INPP4A: variants seen among roughly 807,000 people sequenced by gnomAD.
INPP4A encodes the protein inositol polyphosphate-4-phosphatase type I A.
In INPP4A, 33 loss-of-function variants were observed where a neutral mutation model predicts 119.8. The ratio of observed to expected loss-of-function variants is 0.28; its 90% CI spans 0.21 to 0.37. The LOEUF (loss-of-function observed/expected upper bound fraction) is 0.37. INPP4A is among the 10% of genes least tolerant of loss of function. INPP4A has a pLI of 1.00. For synonymous variants in INPP4A, 496 were observed against 500.7 expected, an observed-to-expected ratio of 0.99 and a Z score of 0.12; for missense variants, 956 against 1,289.9, an observed-to-expected ratio of 0.74 and a Z score of 3.97.
intron 23 of INPP4A, among the ~76,000 whole-genome samples, chr2:98,574,589 A>G (rs944789434): frequency 1.3e-5 from 2 of 151,634 alleles, no homozygotes; most frequent in South Asian, 4.2e-4. Context: ...AGTAAGCCGA[A>G]ATCACACTAC....
chr2:98,533,036 A>G (rs879416362), intron 4 of INPP4A, among the ~76,000 whole-genome samples: 6 of 152,130 alleles, frequency 3.9e-5, no homozygotes, highest in African/African-American at 7.2e-5. Flanking sequence ...CCTTCACTCA[A>G]TTGGTTAGAG....
intron 5 of INPP4A, among the ~76,000 whole-genome samples, chr2:98,534,163 A>G (rs1269316853): frequency 6.6e-6 from 1 of 152,238 alleles, no homozygotes; most frequent in Non-Finnish European, 1.5e-5. Context: ...TCTCTTAGAA[A>G]CTTATTTCCA....
At chr2:98,509,828 G>A (rs1340377714) in intron 1 of INPP4A, among the ~76,000 whole-genome samples, 2 of 152,178 alleles carry the variant, frequency 1.3e-5, no homozygotes, top group East Asian at 3.8e-4. Flanking sequence ...TCCCCTGAAC[G>A]TTCATGGTAT....
chr2:98,508,999 GTGCCGC>G (rs949487363), intron 1 of INPP4A, among the ~76,000 whole-genome samples: 48 of 152,300 alleles, frequency 3.2e-4, no homozygotes, highest in African/African-American at 1.1e-3. Context: ...GAACCCAGGG[GTGCCGC>G]TGCCTGGAAA....
intron 4 of INPP4A, among the ~76,000 whole-genome samples, chr2:98,528,729 T>A (rs948915755): frequency 1.3e-5 from 2 of 151,818 alleles, no homozygotes; most frequent in Admixed American, 6.6e-5. Flanking sequence ...ACCATGGAGG[T>A]CAGGAAGGTG....
intron 1 of INPP4A, among the ~76,000 whole-genome samples, chr2:98,486,673 T>A (rs1254196698): frequency 6.6e-6 from 1 of 152,176 alleles, no homozygotes; most frequent in African/African-American, 2.4e-5. Flanking sequence ...AGGAGTAAAA[T>A]TAATTCTTAG....
intron 17 of INPP4A, among the ~76,000 whole-genome samples, chr2:98,561,989 A>G (rs778931317): frequency 1.3e-5 from 2 of 152,230 alleles, no homozygotes; most frequent in Non-Finnish European, 2.9e-5. Context: ...GACATTATCT[A>G]GTGCCTCTCT....
intron 10 of INPP4A, among the ~76,000 whole-genome samples, chr2:98,539,937 T>C (rs1691087006): frequency 6.6e-6 from 1 of 152,140 alleles, no homozygotes; most frequent in Admixed American, 6.5e-5. Context: ...TTCTCTTCTT[T>C]ACTCTTTTTT....
At chr2:98,572,132 T>C (rs1697578239) in intron 22 of INPP4A, 1 of 152,324 alleles carries the variant, frequency 6.6e-6, no homozygotes, top group Non-Finnish European at 1.5e-5. Flanking sequence ...CTCTTCTCTT[T>C]GTCTCTGATA....
At chr2:98,544,056 C>T in intron 11 of INPP4A, 49 bp downstream of exon 11, 3 of 1,503,268 alleles carry the variant, frequency 2.0e-6, no homozygotes, top group Non-Finnish European at 2.7e-6. Flanking sequence ...CACACACACA[C>T]ACACACACTC....
At chr2:98,567,077 G>A (rs1460890351) in intron 21 of INPP4A, among the ~76,000 whole-genome samples, 7 of 152,180 alleles carry the variant, frequency 4.6e-5, no homozygotes, top group Non-Finnish European at 1.0e-4. Context: ...AGAACTCTCA[G>A]TGGGGCAGGA....
At chr2:98,527,830 G>T (rs530131301) in intron 4 of INPP4A, among the ~76,000 whole-genome samples, 1 of 152,254 alleles carries the variant, frequency 6.6e-6, no homozygotes, top group Admixed American at 6.5e-5. Context: ...ATGACAAAGA[G>T]TATTACTTTA....
At chr2:98,548,983 C>T (rs989042910) in intron 13 of INPP4A, 4 of 1,611,366 alleles carry the variant, frequency 2.5e-6, no homozygotes, top group Non-Finnish European at 3.4e-6. Flanking sequence ...AGTTTTCTGT[C>T]TGTGGAGAGA....
At chr2:98,451,178 C>G (rs1338216961) in intron 1 of INPP4A, among the ~76,000 whole-genome samples, 3 of 152,196 alleles carry the variant, frequency 2.0e-5, no homozygotes, top group Non-Finnish European at 4.4e-5. Context: ...CATGCCCTAT[C>G]AGGCTGTCAG....
Position 98,565,671 on chromosome 2 carries a change from C to G in INPP4A, c.2184C>G (p.Ser728Arg), listed in dbSNP as rs1310611003. The change falls in exon 20 of 25, where the codon AGC (serine) becomes AGG (arginine). Residue 728 changes from serine to arginine, a missense_variant. Physicochemically the swap from Ser to Arg is moderately radical, Grantham distance 110. This residue lies in a region of INPP4A where 304 missense variants were observed against 492.1 expected (regional missense o/e 0.62). Transcript: ENST00000409851. Reference protein sequence around the residue: ...GEELAMLEDMSLGIMDLRNVT... With the variant: ...GEELAMLEDMRLGIMDLRNVT... ...AGCTGGCAATGCTGGAGGACATGAG[C>G]CTTGGGATCATGGACTTGAGGAACG... 6.2e-7 allele frequency: 1 copy of G among 1,612,812 alleles called. No homozygotes were observed. Among genetic ancestry groups the G allele is most frequent in the Non-Finnish European group, 8.5e-7 (1 of 1,179,056 alleles).
intron 1 of INPP4A, among the ~76,000 whole-genome samples, chr2:98,488,693 G>A (rs3820945): frequency 0.24 from 36,916 of 152,102 alleles, 4,628 homozygotes; most frequent in Middle Eastern, 0.35. Context: ...AAAACCAGAG[G>A]GGAAAATATT....
chr2:98,465,233 C>T (rs1031716795), intron 1 of INPP4A, among the ~76,000 whole-genome samples: 1 of 152,130 alleles, frequency 6.6e-6, no homozygotes, highest in Admixed American at 6.5e-5. Flanking sequence ...TAGCTTAGGG[C>T]GGAATCCATT....
intron 20 of INPP4A, 37 bp from the exon 21 acceptor site, chr2:98,565,992 G>C: frequency 6.3e-7 from 1 of 1,589,480 alleles, no homozygotes; most frequent in Non-Finnish European, 8.6e-7. Context: ...TGGCCCTCTG[G>C]CCTCACACTG....
In INPP4A at chr2:98,465,969, A is replaced by G. The variant is rs146316503; in HGVS notation, c.-166+20884A>G. On this transcript the variant is annotated intron_variant, in intron 1 of 24. Transcript: ENST00000409851. ...TTGCTCAGTCTCTGCTCCATCTGCC[A>G]CAAGTCTCACTCCAGCCCTCCCCCC... 4.0e-3 allele frequency among the ~76,000 whole-genome samples: 611 copies of G among 152,148 alleles called. 2 individuals carry two copies. The highest frequency in any genetic ancestry group is 7.5e-3 in the Admixed American group (114 of 15,288).
Sources: gnomAD v4.1 joint callset for allele counts (sites outside exome capture counted in the v4.1 genomes callset) on GRCh38, gnomAD v4.1.1 for gene constraint, gnomAD v4.1.1 regional missense constraint, MANE v1.5 for transcripts, NCBI Gene and HGNC (gene_info 2026-07-23, HGNC 2026-07-21) for gene names.